CENPP: variants seen among roughly 807,000 people sequenced by gnomAD.
CENPP encodes the protein centromere protein P.
Under a neutral mutation model 35.6 loss-of-function variants are expected in CENPP, and 24 were observed. The ratio of observed to expected loss-of-function variants is 0.67; its 90% CI spans 0.49 to 0.95. CENPP has a LOEUF of 0.95. Ranked by LOEUF, CENPP falls within the 40% of genes least tolerant of loss-of-function variation. The probability of loss-of-function intolerance (pLI) is 0.00; values close to 1 mark genes in which losing one functional copy is unlikely to be tolerated. For missense variants in CENPP, 332 were observed against 345.3 expected (o/e 0.96, Z 0.31); for synonymous variants, 120 against 125.5 (o/e 0.96, Z 0.29).
intron 5 of CENPP, among the ~76,000 whole-genome samples, chr9:92,390,257 A>G (rs1842616706): frequency 6.6e-6 from 1 of 152,128 alleles, no homozygotes; most frequent in Non-Finnish European, 1.5e-5. Flanking sequence ...TCCCTTTCTG[A>G]CTGGAGTCCT....
chr9:92,530,736 A>T (rs1160539127), intron 5 of CENPP, among the ~76,000 whole-genome samples: 1 of 152,098 alleles, frequency 6.6e-6, no homozygotes, highest in Non-Finnish European at 1.5e-5. Context: ...GGAGGGTTGT[A>T]TGCAGGTTTG....
At chr9:92,410,986 TC>T (rs1263437713) in intron 5 of CENPP, among the ~76,000 whole-genome samples, 1 of 152,062 alleles carries the variant, frequency 6.6e-6, no homozygotes, top group Non-Finnish European at 1.5e-5. Context: ...CCTTTTTTTT[TC>T]CTTTTGAGAC....
rs56218626 is a variant in CENPP at position 92,449,437 on chromosome 9, C to CAAAAAAAAAAAAAAAAAAAA, written c.564+69600_564+69619dup. ...TGGGTGATGAGCGAGACTCTATCTC[C>CAAAAAAAAAAAAAAAAAAAA]AAAAAAAAAAAAAAAAAAAAAAAAA... is the stretch of plus-strand genomic sequence containing the variant. On this transcript the variant is annotated intron_variant, in intron 5 of 7. Coordinates refer to ENST00000375587, the MANE Select transcript of CENPP (RefSeq NM_001012267.3). 7.3e-5 allele frequency among the ~76,000 whole-genome samples: 4 copies of CAAAAAAAAAAAAAAAAAAAA among 54,958 alleles called. 1 individual carries two copies. The highest frequency in any genetic ancestry group is 1.4e-4 in the Non-Finnish European group (4 of 29,578). The allele number at this position is 54,958 out of a possible 152,430, so 36.1% of individuals were successfully genotyped here.
intron 5 of CENPP, among the ~76,000 whole-genome samples, chr9:92,451,607 T>C (rs1221087668): frequency 2.0e-5 from 3 of 152,180 alleles, no homozygotes; most frequent in Non-Finnish European, 4.4e-5. Flanking sequence ...ATATAAACTT[T>C]AAAGTAGTTT....
chr9:92,453,486 C>T (rs949122963), intron 5 of CENPP, among the ~76,000 whole-genome samples: 1 of 152,172 alleles, frequency 6.6e-6, no homozygotes, highest in African/African-American at 2.4e-5. Context: ...AATTTCTGTT[C>T]TTTTACATTT....
chr9:92,580,677 T>G (rs1295957136), intron 5 of CENPP, among the ~76,000 whole-genome samples: 8 of 149,584 alleles, frequency 5.3e-5, no homozygotes, highest in East Asian at 2.0e-4. Flanking sequence ...ATTGCATCTA[T>G]TTGATTCTTC....
At chr9:92,411,912 T>C (rs1245928497) in intron 5 of CENPP, among the ~76,000 whole-genome samples, 1 of 152,214 alleles carries the variant, frequency 6.6e-6, no homozygotes, top group Admixed American at 6.5e-5. Context: ...TCTGTGCTTA[T>C]ACAGTTTTTC....
intron 5 of CENPP, among the ~76,000 whole-genome samples, chr9:92,567,373 G>GATAGATATATATATATATAT (rs1554688237): frequency 1.1e-4 from 14 of 129,082 alleles, no homozygotes; most frequent in South Asian, 5.5e-4. Context: ...ACATAAGATA[G>GATAGATATATATATATATAT]ATATATATAT....
At chr9:92,397,358 C>T (rs1195042325) in intron 5 of CENPP, among the ~76,000 whole-genome samples, 1 of 152,086 alleles carries the variant, frequency 6.6e-6, no homozygotes, top group Non-Finnish European at 1.5e-5. Context: ...GACAGAGTCT[C>T]GCCCTGTCAC....
intron 5 of CENPP, among the ~76,000 whole-genome samples, chr9:92,548,502 A>G (rs1330920892): frequency 1.3e-5 from 2 of 152,234 alleles, no homozygotes; most frequent in Non-Finnish European, 2.9e-5. Flanking sequence ...ACTTTTCTAC[A>G]ACACAAATGT....
chr9:92,490,528 C>T (rs1017231875), intron 5 of CENPP, among the ~76,000 whole-genome samples: 5 of 152,120 alleles, frequency 3.3e-5, no homozygotes, highest in African/African-American at 1.2e-4. Context: ...ATTTTCTATC[C>T]TTTTTCTAAA....
intron 1 of CENPP, among the ~76,000 whole-genome samples, chr9:92,331,266 C>T (rs1431132344): frequency 6.6e-6 from 1 of 151,942 alleles, no homozygotes; most frequent in African/African-American, 2.4e-5. Context: ...CTGCAAGCTC[C>T]GCCTCCCAGG....
intron 5 of CENPP, among the ~76,000 whole-genome samples, chr9:92,416,058 G>GTGTGTGTATATATATATATATA (rs6151074): frequency 6.1e-5 from 8 of 130,914 alleles, no homozygotes; most frequent in South Asian, 5.0e-4. Context: ...ATATATGTGT[G>GTGTGTGTATATATATATATATA]TATATATATA....
chr9:92,477,450 G>GC (rs1564343743), intron 5 of CENPP, among the ~76,000 whole-genome samples: 1 of 152,086 alleles, frequency 6.6e-6, no homozygotes, highest in African/African-American at 2.4e-5. Context: ...ATCAAAGTTG[G>GC]CCCCTGATTC....
At chr9:92,330,452 T>C (rs1840704871) in intron 1 of CENPP, among the ~76,000 whole-genome samples, 1 of 152,148 alleles carries the variant, frequency 6.6e-6, no homozygotes, top group South Asian at 2.1e-4. Flanking sequence ...GTGTTAGGGT[T>C]TTCCTCTAAT....
chr9:92,417,205 T>C (rs757304061), intron 5 of CENPP: 1 of 1,614,014 alleles, frequency 6.2e-7, no homozygotes, highest in South Asian at 1.1e-5. Context: ...GGTTAATTTC[T>C]TTAAGATGAG....
intron 5 of CENPP, chr9:92,496,510 C>T: frequency 6.3e-7 from 1 of 1,595,442 alleles, no homozygotes; most frequent in African/African-American, 1.4e-5. Flanking sequence ...ATGCAAGTCA[C>T]ACATGGTCCC....
chr9:92,532,015 G>GTTTTTTTTGTTT (rs1563990161), intron 5 of CENPP, among the ~76,000 whole-genome samples: 3 of 95,736 alleles, frequency 3.1e-5, no homozygotes, highest in Non-Finnish European at 5.8e-5. Flanking sequence ...TTTATTTAAT[G>GTTTTTTTTGTTT]TTTTTTTTTT....
At position 92,385,830 on chromosome 9, in the gene CENPP, ATCAACCTT is replaced by A. The variant is rs758144658; in HGVS notation, c.564+5975_564+5982del. Reference sequence around the variant, plus strand: ...GGAAAACATTGTTCAGAAATCTGAAATCAACCTTTCATATGCTATATAATGGGTAAAGG... The same window carrying A: ...GGAAAACATTGTTCAGAAATCTGAAATCATATGCTATATAATGGGTAAAGG... On this transcript the variant is annotated intron_variant, in intron 5 of 7. Transcript: ENST00000375587. 42 of 1,606,110 alleles carry A rather than the reference ATCAACCTT, an allele frequency of 2.6e-5. 1 individual carries two copies. The East Asian group carries it at 7.6e-4, about 29-fold the overall frequency.
Sources: gnomAD v4.1 joint callset for allele counts (sites outside exome capture counted in the v4.1 genomes callset) on GRCh38, gnomAD v4.1.1 for gene constraint, MANE v1.5 for transcripts, NCBI Gene and HGNC (gene_info 2026-07-23, HGNC 2026-07-21) for gene names.